FHIT: variants seen among roughly 807,000 people sequenced by gnomAD.
The protein encoded by FHIT is fragile histidine triad diadenosine triphosphatase.
Under a neutral mutation model 17.9 loss-of-function variants are expected in FHIT, and 19 were observed. The observed-to-expected ratio is 1.06, with a 90% CI of 0.74 to 1.56. The LOEUF (loss-of-function observed/expected upper bound fraction) is 1.56, where lower values mean the gene tolerates loss of function less well. Among genes scored for constraint, FHIT ranks in the 40% most tolerant of loss-of-function variants. The probability of loss-of-function intolerance (pLI) is 0.00; values close to 1 mark genes in which losing one functional copy is unlikely to be tolerated. For missense variants in FHIT, 248 were observed against 189.2 expected, an observed-to-expected ratio of 1.31 and a Z score of -1.82; for synonymous variants, 81 against 69.7, an observed-to-expected ratio of 1.16 and a Z score of -0.81.
chr3:60,203,688 T>G (rs1703024173), intron 5 of FHIT, among the ~76,000 whole-genome samples: 1 of 152,128 alleles, frequency 6.6e-6, no homozygotes, highest in South Asian at 2.1e-4. Context: ...TACACACTGG[T>G]ATGAACAGCA....
intron 3 of FHIT, among the ~76,000 whole-genome samples, chr3:60,878,717 C>T (rs1352767558): frequency 1.3e-5 from 2 of 152,014 alleles, no homozygotes; most frequent in African/African-American, 2.4e-5. Flanking sequence ...TCAATTCCCA[C>T]CTATGAGTGA....
intron 5 of FHIT, among the ~76,000 whole-genome samples, chr3:60,119,823 C>CA (rs1705165725): frequency 6.6e-6 from 1 of 152,140 alleles, no homozygotes; most frequent in Non-Finnish European, 1.5e-5. Context: ...ACAGAGCTGT[C>CA]ACATTTATCC....
intron 2 of FHIT, among the ~76,000 whole-genome samples, chr3:61,081,921 C>T (rs2106779137): frequency 6.6e-6 from 1 of 152,252 alleles, no homozygotes; most frequent in South Asian, 2.1e-4. Flanking sequence ...CATATTAAAT[C>T]AATCACCAAG....
chr3:60,569,586 G>T (rs570079456), intron 4 of FHIT, among the ~76,000 whole-genome samples: 1 of 151,554 alleles, frequency 6.6e-6, no homozygotes, highest in Non-Finnish European at 1.5e-5. Context: ...GTGTCAGAAC[G>T]CCTGGGTTCT....
intron 5 of FHIT, among the ~76,000 whole-genome samples, chr3:60,133,038 A>C (rs948626527): frequency 2.6e-5 from 4 of 152,176 alleles, no homozygotes; most frequent in Admixed American, 6.5e-5. Flanking sequence ...ACACCTACCG[A>C]AACATGAAAG....
chr3:59,853,169 A>G (rs1023104972), intron 8 of FHIT, among the ~76,000 whole-genome samples: 2 of 152,108 alleles, frequency 1.3e-5, no homozygotes, highest in African/African-American at 4.8e-5. Context: ...GTTGCTTCAC[A>G]TCCTCTCTAG....
At chr3:59,918,287 C>G (rs1013699804) in intron 8 of FHIT, among the ~76,000 whole-genome samples, 3 of 152,114 alleles carry the variant, frequency 2.0e-5, no homozygotes, top group Non-Finnish European at 4.4e-5. Flanking sequence ...GATTAGATCC[C>G]TGCCCTAAAG....
At chr3:60,928,933 T>G (rs1403069686) in intron 3 of FHIT, among the ~76,000 whole-genome samples, 1 of 152,124 alleles carries the variant, frequency 6.6e-6, no homozygotes, top group African/African-American at 2.4e-5. Context: ...TTTAGACCAA[T>G]ATCCCTGATG....
At chr3:60,895,319 C>T (rs1705734852) in intron 3 of FHIT, among the ~76,000 whole-genome samples, 1 of 152,196 alleles carries the variant, frequency 6.6e-6, no homozygotes, top group Non-Finnish European at 1.5e-5. Flanking sequence ...AACTTGGTCC[C>T]ATTCTTGATG....
intron 7 of FHIT, among the ~76,000 whole-genome samples, chr3:59,977,029 TGAAAAC>T (rs1708444683): frequency 6.6e-6 from 1 of 152,038 alleles, no homozygotes; most frequent in African/African-American, 2.4e-5. Flanking sequence ...TGGGGGACAG[TGAAAAC>T]TGGTGAAATT....
intron 2 of FHIT, among the ~76,000 whole-genome samples, chr3:61,151,255 A>G (rs919755157): frequency 6.6e-6 from 1 of 152,178 alleles, no homozygotes; most frequent in Non-Finnish European, 1.5e-5. Flanking sequence ...TCAAGATGAG[A>G]GGTATTCTTC....
intron 8 of FHIT, among the ~76,000 whole-genome samples, chr3:59,866,368 G>T (rs925138744): frequency 5.1e-4 from 77 of 152,176 alleles, no homozygotes; most frequent in African/African-American, 1.8e-3. Context: ...AATAAAGAGA[G>T]GCATGGAAAA....
intron 8 of FHIT, among the ~76,000 whole-genome samples, chr3:59,911,193 A>G (rs1704855122): frequency 6.6e-6 from 1 of 152,220 alleles, no homozygotes; most frequent in African/African-American, 2.4e-5. Context: ...AGTATTAAAT[A>G]TATTCCTCTA....
intron 5 of FHIT, among the ~76,000 whole-genome samples, chr3:60,239,711 A>C (rs1705029004): frequency 6.6e-6 from 1 of 152,212 alleles, no homozygotes; most frequent in African/African-American, 2.4e-5. Flanking sequence ...TTTAAAGTAA[A>C]ATGATCCACA....
At chr3:61,033,484 A>C (rs1192508369) in intron 3 of FHIT, among the ~76,000 whole-genome samples, 1 of 152,202 alleles carries the variant, frequency 6.6e-6, no homozygotes, top group East Asian at 1.9e-4. Flanking sequence ...TAATATTTTT[A>C]ATATTTTTGG....
At chr3:59,862,954 G>A (rs1193484881) in intron 8 of FHIT, among the ~76,000 whole-genome samples, 1 of 152,138 alleles carries the variant, frequency 6.6e-6, no homozygotes, top group Non-Finnish European at 1.5e-5. Context: ...GCACTTTCAG[G>A]CTAGTTTGCA....
At chr3:60,472,016 T>C (rs2033111747) in intron 5 of FHIT, among the ~76,000 whole-genome samples, 1 of 152,192 alleles carries the variant, frequency 6.6e-6, no homozygotes, top group Admixed American at 6.5e-5. Context: ...AAATCAATTT[T>C]GGGGTGAGGG....
chr3:60,501,677 A>G (rs538213474), intron 5 of FHIT, among the ~76,000 whole-genome samples: 3 of 152,314 alleles, frequency 2.0e-5, no homozygotes, highest in African/African-American at 7.2e-5. Context: ...ACCCTAGGTG[A>G]TGCTCGGTCC....
chr3:59,774,912 C>T (rs113523698), intron 8 of FHIT, among the ~76,000 whole-genome samples: 1 of 152,136 alleles, frequency 6.6e-6, no homozygotes, highest in African/African-American at 2.4e-5. Flanking sequence ...CAAGTGTAGT[C>T]TATAGACCAG....
Sources: allele counts gnomAD v4.1 joint callset (sites outside exome capture counted in the v4.1 genomes callset), GRCh38; gene constraint gnomAD v4.1.1; transcripts MANE v1.5; gene names NCBI Gene and HGNC (gene_info 2026-07-23, HGNC 2026-07-21).